The following SPTB variants were observed in gnomAD, a reference collection of about 807,000 sequenced individuals.
SPTB encodes spectrin beta, erythrocytic.
SPTB carries 45 observed loss-of-function variants against 256.2 expected under a neutral mutation model. The observed-to-expected ratio is 0.18, with a 90% CI of 0.14 to 0.23. SPTB has a LOEUF of 0.23. Ranked by LOEUF, SPTB falls within the 10% of genes least tolerant of loss-of-function variation. The pLI, the probability that SPTB is intolerant of heterozygous loss-of-function variation, is 1.00. For synonymous variants in SPTB, 1,231 were observed against 1,243.1 expected, an observed-to-expected ratio of 0.99 and a Z score of 0.21; for missense variants, 2,715 against 3,040.4, an observed-to-expected ratio of 0.89 and a Z score of 2.52.
intron 1 of SPTB, among the ~76,000 whole-genome samples, chr14:64,846,667 G>A (rs540308256): frequency 3.3e-4 from 51 of 152,250 alleles, no homozygotes; most frequent in Non-Finnish European, 4.4e-4. Flanking sequence ...TCTCATTACA[G>A]TAAGACAATG....
rs140972928 is a variant in SPTB at position 64,866,593 on chromosome 14, C to T, written c.-52+13199G>A. ...TGCAGGACGAGGCAGGAGAAGAGAG[C>T]GGCTGGATTGCAGTGGGAGTGCATC... On this transcript the variant is annotated intron_variant, in intron 1 of 35. Coordinates refer to ENST00000644917, the MANE Select transcript of SPTB (RefSeq NM_001355436.2). This position sits in a 1 kb window ranked among gnomAD's most constrained non-coding sequence, Gnocchi z 4.6. 2.0e-5 allele frequency among the ~76,000 whole-genome samples: 3 copies of T among 152,188 alleles called. No individual in the cohort carries two copies. Among genetic ancestry groups the T allele is most frequent in the South Asian group, 2.1e-4 (1 of 4,822 alleles).
chr14:64,772,440 G>T lies in SPTB; in HGVS notation c.5553+140C>A. On this transcript the variant is annotated intron_variant, in intron 26 of 35. Coordinates refer to ENST00000644917, the MANE Select transcript of SPTB (RefSeq NM_001355436.2). The surrounding 1 kb of genome is among the most constrained non-coding windows in gnomAD (Gnocchi z 5.4). ...GAACATCTGAAAGCCACTGCTCCCA[G>T]CCCTGAGCTCCTGGCTGTCTAAGGA... The T allele has an allele frequency of 2.5e-6, 3 of 1,178,748 alleles. No homozygotes were observed. The highest frequency in any genetic ancestry group is 3.5e-6 in the Non-Finnish European group (3 of 851,782). The allele number at this position is 1,178,748 out of a possible 1,614,324, so 73.0% of individuals were successfully genotyped here. A position where few individuals can be genotyped will look rare whatever the true frequency, so the allele number is the denominator to read the frequency against.
In SPTB at chr14:64,767,787, A is replaced by G. The variant is rs1555366607; in HGVS notation, c.6095T>C (p.Leu2032Pro). The G allele has an allele frequency of 6.2e-7, 1 of 1,614,160 alleles. No homozygotes were observed. The highest frequency in any genetic ancestry group is 2.2e-5 in the East Asian group (1 of 44,864). ...EAWLIAQEPY[L>P]ASGDFGHTVD... ...TGTGTGTCCAAAGTCCCCGCTGGCCAGGTAGGGCTCCTGGGCAATCAGCCA... is the reference window on the plus strand; with the variant it reads ...TGTGTGTCCAAAGTCCCCGCTGGCCGGGTAGGGCTCCTGGGCAATCAGCCA... Residue 2032 changes from leucine to proline, a missense_variant, in exon 30 of 36, where the codon CTG (leucine) becomes CCG (proline). Around this residue, in one of 4 missense-constraint regions of SPTB, gnomAD observed 2,239 missense variants for 2,384.4 expected, o/e 0.94. Transcript: ENST00000644917.
chr14:64,791,636 G>A, intron 15 of SPTB, 83 bp downstream of exon 15: 1 of 1,447,662 alleles, frequency 6.9e-7, no homozygotes, highest in Non-Finnish European at 9.7e-7. Context: ...ATACTAGGTG[G>A]ACTAAATTTT....
chr14:64,791,639 T>C (rs1594780548), intron 15 of SPTB, 80 bp downstream of exon 15: 1 of 1,397,750 alleles, frequency 7.2e-7, no homozygotes, highest in Non-Finnish European at 9.9e-7. Flanking sequence ...CTAGGTGGAC[T>C]AAATTTTGGG....
intron 33 of SPTB, chr14:64,752,249 C>T: frequency 7.4e-7 from 1 of 1,347,032 alleles, no homozygotes; most frequent in South Asian, 1.2e-5. Context: ...CAGCAACAGA[C>T]TCTGTTTCCT....
chr14:64,783,993 T>C (rs935770095), intron 19 of SPTB, among the ~76,000 whole-genome samples: 2 of 152,238 alleles, frequency 1.3e-5, no homozygotes, highest in African/African-American at 4.8e-5. Context: ...ACTGAAGCTC[T>C]AACTAGATGT....
Position 64,823,150 on chromosome 14 carries a change from G to A in SPTB, c.-51-5C>T, listed in dbSNP as rs1406284486. The A allele has an allele frequency of 1.9e-6, 3 of 1,608,486 alleles. No homozygotes were observed. The African/African-American group carries it at 4.0e-5, about 22-fold the overall frequency. ...TCAGTCTTCATGGAAGGATCCCTGG[G>A]GGACAGCAACACAGTCAGAGGGTTA... is the stretch of plus-strand genomic sequence containing the variant. On this transcript the variant is annotated splice_region_variant and splice_polypyrimidine_tract_variant and intron_variant, in intron 1 of 35. Coordinates refer to ENST00000644917, the MANE Select transcript of SPTB (RefSeq NM_001355436.2). This position sits in a 1 kb window ranked among gnomAD's most constrained non-coding sequence, Gnocchi z 6.5.
At chr14:64,761,843 C>A (rs2082101133) in intron 32 of SPTB, among the ~76,000 whole-genome samples, 1 of 152,104 alleles carries the variant, frequency 6.6e-6, no homozygotes, top group South Asian at 2.1e-4. Context: ...GACACTGACT[C>A]CCCCATCCAG....
intron 29 of SPTB, 42 bp from the exon 30 acceptor site, chr14:64,767,901 G>A (rs1439930323): frequency 1.9e-6 from 3 of 1,607,048 alleles, no homozygotes; most frequent in Non-Finnish European, 2.6e-6. Context: ...CAAGGCCCAG[G>A]GCCTGTTAGC....
chr14:64,751,393 T>G (rs553185100), intron 33 of SPTB, among the ~76,000 whole-genome samples: 12 of 152,140 alleles, frequency 7.9e-5, no homozygotes, highest in Non-Finnish European at 1.5e-4. Context: ...GTGCTGGGAT[T>G]ACAGTCCTGA....
intron 1 of SPTB, among the ~76,000 whole-genome samples, chr14:64,871,486 T>C (rs573249318): frequency 4.4e-4 from 67 of 152,330 alleles, no homozygotes; most frequent in African/African-American, 1.6e-3. Context: ...TGTTATATGA[T>C]GAACACAGTG....
rs754186479 is a variant in SPTB at position 64,785,673 on chromosome 14, G to A, written c.3765-46C>T. On this transcript the variant is annotated intron_variant, in intron 17 of 35. Transcript: ENST00000644917. The surrounding 1 kb of genome is among the most constrained non-coding windows in gnomAD (Gnocchi z 4.4). ...ACAGTCACAATAGTGCCGAGCTTGG[G>A]GTCCTCACCAAGCTTGGGGTCCTCA... 1 of 1,611,622 alleles carries A rather than the reference G, an allele frequency of 6.2e-7. No individual in the cohort carries two copies. Among genetic ancestry groups the A allele is most frequent in the African/African-American group, 1.3e-5 (1 of 74,838 alleles).
At chr14:64,838,209 T>C (rs535674788) in intron 1 of SPTB, among the ~76,000 whole-genome samples, 4 of 152,262 alleles carry the variant, frequency 2.6e-5, no homozygotes, top group Middle Eastern at 3.4e-3. Context: ...GACATCCATA[T>C]GCAAAAAAAG....
rs1437365766 is a variant in SPTB, at chr14:64,749,170, A to C, written c.*136T>G. ...CGGGCGAAGGCAGCTTTTGCAGTGC[A>C]GCGTGGGGCCCGGGGGCCCGGCCCG... On this transcript the variant is annotated 3_prime_UTR_variant, in exon 36 of 36. Transcript: ENST00000644917. This position sits in a 1 kb window ranked among gnomAD's most constrained non-coding sequence, Gnocchi z 4.7. The C allele has an allele frequency of 2.8e-6, 3 of 1,062,072 alleles. No homozygotes were observed. Among genetic ancestry groups the C allele is most frequent in the Non-Finnish European group, 2.7e-6 (2 of 745,448 alleles). 65.8% of individuals were successfully genotyped at this position (1,062,072 alleles called of 1,614,324 possible).
intron 1 of SPTB, among the ~76,000 whole-genome samples, chr14:64,865,936 C>G (rs1199543968): frequency 6.6e-6 from 1 of 152,148 alleles, no homozygotes; most frequent in Non-Finnish European, 1.5e-5. Context: ...CAAGATTTCC[C>G]AACAGTTCCA....
chr14:64,803,123 A>G (rs537803393), intron 4 of SPTB, among the ~76,000 whole-genome samples: 1 of 152,016 alleles, frequency 6.6e-6, no homozygotes, highest in East Asian at 1.9e-4. Context: ...TCTGTCCCCA[A>G]ACCAGCAGGT....
chr14:64,767,328 C>A lies in SPTB; in HGVS notation c.6244G>T (p.Ala2082Ser). Residue 2082 changes from alanine to serine, a missense_variant, in exon 31 of 36, where the codon GCA becomes TCA. Ala to Ser is a moderately conservative substitution (Grantham distance 99). Around this residue, in one of 4 missense-constraint regions of SPTB, gnomAD observed 2,239 missense variants for 2,384.4 expected, o/e 0.94. Transcript: ENST00000644917. ...CCAGTCTCCTCTGCGGGTCTCTCTG[C>A]AATCTGGCGTTCTTTCAGCTCAAGC... ...TTLELKERQI[A>S]ERPAEETGPQ... 1 of 1,614,096 alleles carries A rather than the reference C, an allele frequency of 6.2e-7. No homozygotes were observed.
In SPTB at chr14:64,793,067, C is replaced by T; in HGVS notation, c.2596G>A (p.Glu866Lys). ...ETDACELWMG[E>K]KEKWLAEMEM... ...ATCTCGGCCAGCCACTTCTCCTTCT[C>T]TCCCATCCACAGCTCACAGGCGTCT... Residue 866 changes from glutamate (E) to lysine (K), a missense_variant, in exon 14 of 36, where the codon GAG becomes AAG. This residue lies in a region of SPTB where 2,239 missense variants were observed against 2,384.4 expected (regional missense o/e 0.94). Transcript: ENST00000644917. This position sits in a 1 kb window ranked among gnomAD's most constrained non-coding sequence, Gnocchi z 7.0. The T allele has an allele frequency of 6.2e-7, 1 of 1,614,134 alleles. No individual in the cohort carries two copies. Among genetic ancestry groups the T allele is most frequent in the Non-Finnish European group, 8.5e-7 (1 of 1,180,056 alleles).
Sources: gnomAD v4.1 joint callset for allele counts (sites outside exome capture counted in the v4.1 genomes callset) on GRCh38, gnomAD v4.1.1 for gene constraint, gnomAD v4.1.1 regional missense constraint, Gnocchi (gnomAD v3.1) non-coding constraint, MANE v1.5 for transcripts, NCBI Gene and HGNC (gene_info 2026-07-23, HGNC 2026-07-21) for gene names.